Variants in FGGY observed in about 807,000 individuals in gnomAD.
FGGY encodes FGGY carbohydrate kinase domain-containing protein.
In FGGY, 72 loss-of-function variants were observed where a neutral mutation model predicts 71.3. The ratio of observed to expected loss-of-function variants is 1.01; its 90% CI spans 0.84 to 1.23. The LOEUF (loss-of-function observed/expected upper bound fraction) is 1.23. Ranked by LOEUF, FGGY falls within the 50% of genes most tolerant of loss-of-function variation. FGGY has a pLI of 0.00. For missense variants in FGGY, 668 were observed against 682.3 expected (o/e 0.98, Z 0.23); for synonymous variants, 251 against 250.3 (o/e 1.00, Z -0.02).
At chr1:59,635,147 T>G (rs2096944428) in intron 10 of FGGY, among the ~76,000 whole-genome samples, 1 of 152,204 alleles carries the variant, frequency 6.6e-6, no homozygotes, top group Non-Finnish European at 1.5e-5. Flanking sequence ...CATGCAAGGT[T>G]AAAATTATGT....
At chr1:59,691,396 A>G (rs1237901558) in intron 14 of FGGY, among the ~76,000 whole-genome samples, 5 of 152,148 alleles carry the variant, frequency 3.3e-5, no homozygotes, top group African/African-American at 9.7e-5. Context: ...GCTCAGCCTG[A>G]TAATGTACAG....
Position 59,623,047 on chromosome 1 carries a change from G to A in FGGY, c.1012-2941G>A, listed in dbSNP as rs188868275. ...TGCTCTTGCTTTGAAAGAGCTCAGA[G>A]TATAGGGTAAGAGACAGACATATAA... On this transcript the variant is annotated intron_variant, in intron 9 of 15. Transcript: ENST00000303721. 9.2e-4 allele frequency among the ~76,000 whole-genome samples: 140 copies of A among 152,292 alleles called. 2 individuals carry two copies. Among genetic ancestry groups the A allele is most frequent in the African/African-American group, 3.2e-3 (134 of 41,564 alleles).
Position 59,431,897 on chromosome 1 carries a change from C to T in FGGY, c.555-25064C>T, listed in dbSNP as rs569901829. On this transcript the variant is annotated intron_variant, in intron 5 of 15. Coordinates refer to ENST00000303721, the MANE Select transcript of FGGY (RefSeq NM_018291.5). ...TCTAAATCCCTTGGGGTTTCCTAAG[C>T]GATAGAGCATCTTTTGCTTTAATGA... 7.2e-5 allele frequency among the ~76,000 whole-genome samples: 11 copies of T among 152,194 alleles called. No homozygotes were observed. The East Asian group carries it at 1.4e-3, about 19-fold the overall frequency.
At chr1:59,424,504 G>A (rs926174127) in intron 5 of FGGY, among the ~76,000 whole-genome samples, 1 of 152,076 alleles carries the variant, frequency 6.6e-6, no homozygotes, top group Non-Finnish European at 1.5e-5. Flanking sequence ...CCAAAATCGC[G>A]CCACTGCACT....
chr1:59,428,239 C>T (rs2066725958), intron 5 of FGGY, among the ~76,000 whole-genome samples: 1 of 152,144 alleles, frequency 6.6e-6, no homozygotes, highest in South Asian at 2.1e-4. Context: ...GGAACATACT[C>T]ACAACCAGAC....
intron 14 of FGGY, among the ~76,000 whole-genome samples, chr1:59,751,484 A>G (rs1447508190): frequency 6.6e-6 from 1 of 152,236 alleles, no homozygotes; most frequent in African/African-American, 2.4e-5. Context: ...TTACTCTATA[A>G]AACAAGTGAA....
At chr1:59,302,694 G>A (rs1383903388) in intron 1 of FGGY, among the ~76,000 whole-genome samples, 1 of 151,484 alleles carries the variant, frequency 6.6e-6, no homozygotes, top group Non-Finnish European at 1.5e-5. Context: ...GGGGGTAGGA[G>A]GAAAGAGGAT....
intron 14 of FGGY, among the ~76,000 whole-genome samples, chr1:59,752,642 C>T (rs1002021654): frequency 6.6e-6 from 1 of 152,228 alleles, no homozygotes; most frequent in African/African-American, 2.4e-5. Context: ...TCCCTGGTAA[C>T]TCACTCCAAC....
At chr1:59,709,878 C>A (rs2097782108) in intron 14 of FGGY, among the ~76,000 whole-genome samples, 1 of 152,196 alleles carries the variant, frequency 6.6e-6, no homozygotes, top group South Asian at 2.1e-4. Flanking sequence ...CATGGAACCC[C>A]TCTGTGTGTT....
In FGGY at chr1:59,463,820, C is replaced by A. The variant is rs7545553; in HGVS notation, c.670+6744C>A. Among the ~76,000 whole-genome samples, 612 of 152,074 alleles carry A rather than the reference C, an allele frequency of 4.0e-3. 7 individuals are homozygous for A. Among genetic ancestry groups the A allele is most frequent in the African/African-American group, 0.014 (586 of 41,470 alleles). ...AATTCAACAAGAAGAGCTAACTATC[C>A]TAAATACATATGTGCCCAATATAGG... On this transcript the variant is annotated intron_variant, in intron 6 of 15. Coordinates refer to ENST00000303721, the MANE Select transcript of FGGY (RefSeq NM_018291.5).
chr1:59,328,594 A>G (rs1013977250), intron 2 of FGGY, among the ~76,000 whole-genome samples: 1 of 152,118 alleles, frequency 6.6e-6, no homozygotes, highest in African/African-American at 2.4e-5. Context: ...TTCCTTACGA[A>G]CTTTCTTTTG....
chr1:59,653,116 A>G (rs1209066144), intron 11 of FGGY, among the ~76,000 whole-genome samples: 1 of 152,176 alleles, frequency 6.6e-6, no homozygotes, highest in Admixed American at 6.5e-5. Flanking sequence ...GGGTTCTCAG[A>G]TCTCCAGCTG....
At chr1:59,723,554 GT>G (rs563147278) in intron 14 of FGGY, among the ~76,000 whole-genome samples, 12 of 81,816 alleles carry the variant, frequency 1.5e-4, no homozygotes, top group African/African-American at 4.5e-4. Flanking sequence ...GCATTTTCTT[GT>G]TTTTTTTTGG....
chr1:59,542,654 C>T (rs1249496246), intron 7 of FGGY, among the ~76,000 whole-genome samples: 6 of 151,818 alleles, frequency 4.0e-5, no homozygotes, highest in African/African-American at 1.5e-4. Context: ...TGGGGTTTCT[C>T]CATGTTGGTC....
At chr1:59,620,993 G>A (rs1339230133) in intron 9 of FGGY, among the ~76,000 whole-genome samples, 2 of 152,094 alleles carry the variant, frequency 1.3e-5, no homozygotes, top group African/African-American at 4.8e-5. Context: ...CAATTTTGGA[G>A]GCTAAAAGTC....
intron 4 of FGGY, among the ~76,000 whole-genome samples, chr1:59,373,510 C>A (rs1207341302): frequency 6.6e-6 from 1 of 152,034 alleles, no homozygotes; most frequent in East Asian, 1.9e-4. Context: ...CAGTGCCATC[C>A]CCATCAAGCT....
chr1:59,545,409 CT>C (rs199876819), intron 7 of FGGY, among the ~76,000 whole-genome samples: 2 of 151,996 alleles, frequency 1.3e-5, no homozygotes, highest in East Asian at 1.9e-4. Context: ...GTTAACTTGG[CT>C]GTTTGGATTA....
At chr1:59,737,225 G>A (rs566494203) in intron 14 of FGGY, among the ~76,000 whole-genome samples, 1 of 152,374 alleles carries the variant, frequency 6.6e-6, no homozygotes, top group African/African-American at 2.4e-5. Flanking sequence ...GGGTCCTCTT[G>A]GAGAACCTCT....
intron 1 of FGGY, among the ~76,000 whole-genome samples, chr1:59,310,993 A>G (rs1291874196): frequency 1.3e-5 from 2 of 152,206 alleles, no homozygotes; most frequent in Non-Finnish European, 2.9e-5. Flanking sequence ...GAAGGTAGGG[A>G]GCAGAGCATT....
Sources: gnomAD v4.1 joint callset for allele counts (sites outside exome capture counted in the v4.1 genomes callset) on GRCh38, gnomAD v4.1.1 for gene constraint, MANE v1.5 for transcripts, NCBI Gene and HGNC (gene_info 2026-07-23, HGNC 2026-07-21) for gene names.